The following PRH1 variants were observed in gnomAD, a reference collection of about 807,000 sequenced individuals.
PRH1 encodes proline rich protein HaeIII subfamily 1.
In PRH1, 7 loss-of-function variants were observed where a neutral mutation model predicts 7.9. The ratio of observed to expected loss-of-function variants is 0.89; its 90% CI spans 0.50 to 1.67. PRH1 has a LOEUF of 1.67. PRH1 is among the 40% of genes most tolerant of loss of function. The probability of loss-of-function intolerance (pLI) is 0.00; values close to 1 mark genes in which losing one functional copy is unlikely to be tolerated. For missense variants in PRH1, 109 were observed against 223.6 expected, an observed-to-expected ratio of 0.49 and a Z score of 3.27; for synonymous variants, 45 against 80.8, an observed-to-expected ratio of 0.56 and a Z score of 2.38.
intron 1 of PRH1, chr12:11,030,325 A>T (rs1565570997): frequency 6.5e-7 from 1 of 1,538,118 alleles, no homozygotes; most frequent in Non-Finnish European, 8.7e-7. Flanking sequence ...CAGTATAGAA[A>T]AACCAGTAAG....
At chr12:10,903,759 T>C (rs934806751) in intron 2 of PRH1, among the ~76,000 whole-genome samples, 3 of 151,206 alleles carry the variant, frequency 2.0e-5, no homozygotes, top group Admixed American at 2.0e-4. Context: ...CTGATGTGAA[T>C]CCATACATAC....
intron 1 of PRH1, among the ~76,000 whole-genome samples, chr12:11,160,111 A>G (rs1947368931): frequency 6.6e-6 from 1 of 152,204 alleles, no homozygotes; most frequent in Non-Finnish European, 1.5e-5. Flanking sequence ...ATCTCCCCTG[A>G]GCCATACCAC....
rs143492794 is a variant in PRH1 at position 10,883,475 on chromosome 12, C to T, written c.65-379G>A. ...ATAGCATTTGCCTGTAAACCCTTAG[C>T]GCTTATTTAGTTAAACTGCTCTGAG... On this transcript the variant is annotated intron_variant, in intron 1 of 3. Transcript: ENST00000543626. 1.9e-3 allele frequency among the ~76,000 whole-genome samples: 295 copies of T among 152,044 alleles called. 3 individuals carry two copies. Among genetic ancestry groups the T allele is most frequent in the Non-Finnish European group, 1.2e-3 (82 of 67,886 alleles).
chr12:11,083,742 C>T (rs1369875955), intron 1 of PRH1, among the ~76,000 whole-genome samples: 1 of 152,284 alleles, frequency 6.6e-6, no homozygotes, highest in African/African-American at 2.4e-5. Flanking sequence ...TCATATGTCT[C>T]ACTTTAGAAT....
At chr12:11,103,647 C>A (rs1387993031) in intron 1 of PRH1, among the ~76,000 whole-genome samples, 1 of 151,842 alleles carries the variant, frequency 6.6e-6, no homozygotes, top group African/African-American at 2.4e-5. Flanking sequence ...TGTAACAAAC[C>A]TGCACATTGT....
chr12:11,028,887 G>A (rs1222588163), intron 1 of PRH1, among the ~76,000 whole-genome samples: 1 of 152,190 alleles, frequency 6.6e-6, no homozygotes, highest in South Asian at 2.1e-4. Context: ...ATCTTAACCT[G>A]AGACTGGAAC....
chr12:11,099,872 A>T (rs924384136), intron 1 of PRH1, among the ~76,000 whole-genome samples: 3 of 152,226 alleles, frequency 2.0e-5, no homozygotes, highest in African/African-American at 7.2e-5. Flanking sequence ...GAGGAGCCGA[A>T]AGAAAAAGTA....
At chr12:11,080,058 C>A (rs1944450112) in intron 1 of PRH1, among the ~76,000 whole-genome samples, 2 of 121,142 alleles carry the variant, frequency 1.7e-5, no homozygotes, top group African/African-American at 5.5e-5. Context: ...CCTAGGTTTA[C>A]CTCAATGCCA....
rs1387372779 is a variant in PRH1, at chr12:11,077,036, A to T, written n.124-29848T>A. ...TAAGATCCTAATTTTAAAAAGAGAA[A>T]ATAAAATCTTCAAATGAAATATTAT... is the stretch of plus-strand genomic sequence containing the variant. On this transcript the variant is annotated intron_variant and non_coding_transcript_variant, in intron 1 of 4. Transcript: ENST00000541977. The T allele has an allele frequency of 9.5e-5, 11 of 115,658 alleles. 2 individuals carry two copies. Among genetic ancestry groups the T allele is most frequent in the Admixed American group, 2.6e-4 (3 of 11,490 alleles). 7.2% of individuals were successfully genotyped at this position (115,658 alleles called of 1,614,324 possible).
chr12:11,041,294 A>G (rs1942698260), intron 1 of PRH1, among the ~76,000 whole-genome samples: 2 of 144,202 alleles, frequency 1.4e-5, no homozygotes, highest in African/African-American at 2.7e-5. Context: ...AAACCAAAAA[A>G]AAAAAAAAAA....
At chr12:11,065,983 CT>C (rs1943792185) in intron 1 of PRH1, among the ~76,000 whole-genome samples, 1 of 152,190 alleles carries the variant, frequency 6.6e-6, no homozygotes, top group Non-Finnish European at 1.5e-5. Context: ...AATATAATAT[CT>C]CAACCACAGC....
chr12:10,986,241 T>C, intron 1 of PRH1: 1 of 1,614,150 alleles, frequency 6.2e-7, no homozygotes, highest in Non-Finnish European at 8.5e-7. Context: ...CTGCATCTTC[T>C]TGAGATGTTT....
chr12:11,154,976 G>C, intron 1 of PRH1, among the ~76,000 whole-genome samples: 1 of 152,226 alleles, frequency 6.6e-6, no homozygotes, highest in African/African-American at 2.4e-5. Context: ...GTTGTAGTTA[G>C]TTTCATGGTG....
At chr12:10,960,081 A>C (rs975882750) in intron 2 of PRH1, among the ~76,000 whole-genome samples, 1 of 152,230 alleles carries the variant, frequency 6.6e-6, no homozygotes, top group African/African-American at 2.4e-5. Flanking sequence ...AGATTTAATG[A>C]AGTGGTGACA....
At chr12:11,061,533 A>G (rs1393794226) in intron 1 of PRH1, 2 of 1,614,006 alleles carry the variant, frequency 1.2e-6, no homozygotes, top group African/African-American at 2.7e-5. Context: ...TGTTTTCCAG[A>G]CTCTCAAAAC....
Position 10,964,879 on chromosome 12 carries a change from A to G in PRH1, c.-59+8776T>C, listed in dbSNP as rs1467277663. On this transcript the variant is annotated intron_variant, in intron 2 of 3. Coordinates refer to the PRH1 transcript ENST00000539853. ...TGATCTCCCAACTCACGTTTCCTTC[A>G]TATTCTTTTGTCCACATACTCTCAT... 8.9e-6 allele frequency: 5 copies of G among 559,824 alleles called. No homozygotes were observed. In the Admixed American group the frequency reaches 1.2e-4, roughly 13 times the overall value. 34.7% of individuals were successfully genotyped at this position (559,824 alleles called of 1,614,324 possible).
At chr12:11,168,227 A>G (rs1160676680) in intron 1 of PRH1, among the ~76,000 whole-genome samples, 2 of 5,694 alleles carry the variant, frequency 3.5e-4, no homozygotes, top group African/African-American at 7.1e-4. Context: ...AAAGAAAGAA[A>G]GAAAGAAAGA....
At chr12:10,913,509 G>A (rs1270796791) in intron 2 of PRH1, among the ~76,000 whole-genome samples, 1 of 151,870 alleles carries the variant, frequency 6.6e-6, no homozygotes, top group African/African-American at 2.4e-5. Flanking sequence ...GCTTATTTTT[G>A]TTAGTGTTTT....
chr12:10,978,056 C>A (rs1939186353), intron 1 of PRH1, among the ~76,000 whole-genome samples: 2 of 141,908 alleles, frequency 1.4e-5, no homozygotes, highest in Admixed American at 7.1e-5. Context: ...TAGAAAAAAA[C>A]TATTTTAAAG....
Sources: allele counts gnomAD v4.1 joint callset (sites outside exome capture counted in the v4.1 genomes callset), GRCh38; gene constraint gnomAD v4.1.1; transcripts MANE v1.5; gene names NCBI Gene and HGNC (gene_info 2026-07-23, HGNC 2026-07-21).